Variants in SPAG16 observed in about 807,000 individuals in gnomAD.
The protein encoded by SPAG16 is sperm associated antigen 16.
SPAG16 carries 86 observed loss-of-function variants against 80.4 expected under a neutral mutation model. That is an observed-to-expected ratio of 1.07 (90% CI 0.90 to 1.28). The LOEUF is 1.28. Ranked by LOEUF, SPAG16 falls within the 50% of genes most tolerant of loss-of-function variation. SPAG16 has a pLI of 0.00. For synonymous variants in SPAG16, 294 were observed against 265.9 expected (o/e 1.11, Z -1.03); for missense variants, 870 against 765.3 (o/e 1.14, Z -1.61).
intron 15 of SPAG16, among the ~76,000 whole-genome samples, chr2:214,274,957 A>G (rs1463818941): frequency 6.6e-6 from 1 of 152,164 alleles, no homozygotes; most frequent in African/African-American, 2.4e-5. Context: ...GCTATTAATT[A>G]TTGCCTCAAT....
At chr2:213,765,146 G>A (rs1020665678) in intron 10 of SPAG16, among the ~76,000 whole-genome samples, 6 of 152,296 alleles carry the variant, frequency 3.9e-5, no homozygotes, top group East Asian at 3.9e-4. Flanking sequence ...CGAGGCGGGC[G>A]GATCACAAGG....
rs145151704 is a variant in SPAG16 at position 213,923,038 on chromosome 2, G to A, written c.1215-6922G>A. On this transcript the variant is annotated intron_variant, in intron 11 of 15. Transcript: ENST00000331683. ...TAGCAGGTGTGGTCCATCTGGCTATGGGAGGCAGGGGTGAGTGGAGTTGCC... is the reference window on the plus strand; with the variant it reads ...TAGCAGGTGTGGTCCATCTGGCTATAGGAGGCAGGGGTGAGTGGAGTTGCC... 3.1e-3 allele frequency among the ~76,000 whole-genome samples: 470 copies of A among 152,224 alleles called. 3 individuals are homozygous for A. The highest frequency in any genetic ancestry group is 5.5e-3 in the Non-Finnish European group (374 of 68,006).
chr2:213,675,356 G>A (rs1186047786), intron 10 of SPAG16, among the ~76,000 whole-genome samples: 1 of 152,148 alleles, frequency 6.6e-6, no homozygotes, highest in East Asian at 1.9e-4. Flanking sequence ...TCTGATGGTA[G>A]TTTCTTTTGC....
chr2:213,698,854 C>T (rs2065271682), intron 10 of SPAG16, among the ~76,000 whole-genome samples: 2 of 152,248 alleles, frequency 1.3e-5, no homozygotes, highest in East Asian at 3.9e-4. Context: ...CCTGAAATAG[C>T]AAGTGATTTA....
At chr2:213,571,867 A>C (rs1416999633) in intron 10 of SPAG16, among the ~76,000 whole-genome samples, 1 of 134,746 alleles carries the variant, frequency 7.4e-6, no homozygotes, top group Non-Finnish European at 1.5e-5. Flanking sequence ...CATCACTTTC[A>C]GGTACACCAA....
At chr2:214,352,556 C>CTGTGTGTG (rs71409878) in intron 15 of SPAG16, among the ~76,000 whole-genome samples, 2 of 96,072 alleles carry the variant, frequency 2.1e-5, no homozygotes, top group Non-Finnish European at 3.9e-5. Flanking sequence ...GACTTTTTTT[C>CTGTGTGTG]TCTGTGTGTG....
chr2:214,227,057 A>AGT (rs1210790699), intron 15 of SPAG16, among the ~76,000 whole-genome samples: 1 of 152,094 alleles, frequency 6.6e-6, no homozygotes, highest in African/African-American at 2.4e-5. Flanking sequence ...AACCAAGTCT[A>AGT]GTGTAGTGTT....
chr2:214,172,511 T>A (rs2056909478), intron 15 of SPAG16, among the ~76,000 whole-genome samples: 1 of 152,134 alleles, frequency 6.6e-6, no homozygotes, highest in Non-Finnish European at 1.5e-5. Flanking sequence ...TGACGGACAT[T>A]TGGGTTGGTT....
At chr2:213,378,850 C>G (rs2125228215) in intron 9 of SPAG16, among the ~76,000 whole-genome samples, 1 of 152,292 alleles carries the variant, frequency 6.6e-6, no homozygotes, top group African/African-American at 2.4e-5. Flanking sequence ...TGTAATTTCC[C>G]AATGACCTTA....
At chr2:214,364,365 C>G (rs1699356760) in intron 15 of SPAG16, among the ~76,000 whole-genome samples, 1 of 152,052 alleles carries the variant, frequency 6.6e-6, no homozygotes, top group Non-Finnish European at 1.5e-5. Context: ...TTAAAATGTT[C>G]CCTGACTCCA....
intron 12 of SPAG16, among the ~76,000 whole-genome samples, chr2:213,945,180 G>GTA (rs1223995192): frequency 5.3e-5 from 8 of 149,884 alleles, no homozygotes; most frequent in Admixed American, 1.3e-4. Flanking sequence ...GTATATATAT[G>GTA]TATATATATC....
chr2:213,433,474 G>A (rs1202420454), intron 9 of SPAG16, among the ~76,000 whole-genome samples: 1 of 152,134 alleles, frequency 6.6e-6, no homozygotes, highest in Non-Finnish European at 1.5e-5. Flanking sequence ...AGCTAAAAAT[G>A]AAATCAAGAA....
chr2:214,164,468 A>G (rs553148496), intron 15 of SPAG16, among the ~76,000 whole-genome samples: 21 of 152,246 alleles, frequency 1.4e-4, no homozygotes, highest in South Asian at 2.1e-4. Context: ...ACAGCAGTGC[A>G]AAAGATTTAA....
At chr2:213,902,307 T>G (rs2077251258) in intron 11 of SPAG16, among the ~76,000 whole-genome samples, 1 of 152,066 alleles carries the variant, frequency 6.6e-6, no homozygotes, top group African/African-American at 2.4e-5. Context: ...TGTATTAGTC[T>G]GTTTTCACAC....
chr2:214,402,478 T>G (rs1352849776), intron 15 of SPAG16, among the ~76,000 whole-genome samples: 1 of 146,156 alleles, frequency 6.8e-6, no homozygotes, highest in South Asian at 2.2e-4. Flanking sequence ...ACAAGAACTG[T>G]TTTTTTTTTC....
Position 214,125,987 on chromosome 2 carries a change from TTTCCTTCCTTCTTTCC to T in SPAG16, c.1593+17738_1593+17753del, listed in dbSNP as rs1417818495. Among the ~76,000 whole-genome samples the T allele has an allele frequency of 1.7e-4, 24 of 140,490 alleles. 1 individual carries two copies. Among genetic ancestry groups the T allele is most frequent in the African/African-American group, 5.5e-4 (21 of 38,220 alleles). The allele number at this position is 140,490 out of a possible 152,430, so 92.2% of individuals were successfully genotyped here. A position where few individuals can be genotyped will look rare whatever the true frequency, so the allele number is the denominator to read the frequency against. On this transcript the variant is annotated intron_variant, in intron 14 of 15. Transcript: ENST00000331683. ...GAAATCCAGTAAGGCCTGACTTTCT[TTTCCTTCCTTCTTTCC>T]TTCCTTCCTTCCTTCCTTCCTTCCT...
At chr2:214,095,204 G>C (rs1392453718) in intron 13 of SPAG16, among the ~76,000 whole-genome samples, 1 of 152,034 alleles carries the variant, frequency 6.6e-6, no homozygotes, top group Non-Finnish European at 1.5e-5. Flanking sequence ...GATCTCACAT[G>C]TGTAATTCAC....
chr2:213,931,857 A>G (rs901046516), intron 12 of SPAG16, among the ~76,000 whole-genome samples: 1 of 152,090 alleles, frequency 6.6e-6, no homozygotes, highest in African/African-American at 2.4e-5. Context: ...AATTGTACTA[A>G]TTTTGGCATT....
chr2:214,251,826 C>T (rs762235837), intron 15 of SPAG16, among the ~76,000 whole-genome samples: 23 of 152,050 alleles, frequency 1.5e-4, no homozygotes, highest in Non-Finnish European at 8.8e-5. Flanking sequence ...GCACAAATTG[C>T]TGAAAAGTAG....
Sources: gnomAD v4.1 joint callset for allele counts (sites outside exome capture counted in the v4.1 genomes callset) on GRCh38, gnomAD v4.1.1 for gene constraint, MANE v1.5 for transcripts, NCBI Gene and HGNC (gene_info 2026-07-23, HGNC 2026-07-21) for gene names.